PCDHA12: variants seen among roughly 807,000 people sequenced by gnomAD.
The protein encoded by PCDHA12 is protocadherin alpha-12.
Under a neutral mutation model 60.0 loss-of-function variants are expected in PCDHA12, and 44 were observed. The ratio of observed to expected loss-of-function variants is 0.73; its 90% CI spans 0.58 to 0.94. The LOEUF (loss-of-function observed/expected upper bound fraction) is 0.94, where lower values mean the gene tolerates loss of function less well. PCDHA12 is among the 40% of genes least tolerant of loss of function. PCDHA12 has a pLI of 0.00. For synonymous variants in PCDHA12, 569 were observed against 553.0 expected, an observed-to-expected ratio of 1.03 and a Z score of -0.40; for missense variants, 1,276 against 1,239.7, an observed-to-expected ratio of 1.03 and a Z score of -0.44.
In PCDHA12 at chr5:141,009,947, A is replaced by G; in HGVS notation, c.*10A>G. On this transcript the variant is annotated 3_prime_UTR_variant, in exon 4 of 4. Coordinates refer to ENST00000398631, the MANE Select transcript of PCDHA12 (RefSeq NM_018903.4). ...CAACAGTGACCAGTGAGGTCCTCAAATGGAAACAAGCCACTTAGCCAGTTT... is the reference window on the plus strand; with the variant it reads ...CAACAGTGACCAGTGAGGTCCTCAAGTGGAAACAAGCCACTTAGCCAGTTT... The G allele has an allele frequency of 1.9e-6, 3 of 1,596,272 alleles. No individual in the cohort carries two copies. The South Asian group carries it at 3.4e-5, about 18-fold the overall frequency.
At chr5:140,977,306 C>G (rs995052680) in intron 1 of PCDHA12, among the ~76,000 whole-genome samples, 22 of 152,268 alleles carry the variant, frequency 1.4e-4, no homozygotes, top group African/African-American at 4.8e-4. Context: ...GACAAGCTAA[C>G]GATAGTGCTC....
At chr5:140,888,426 C>G (rs1315110358) in intron 1 of PCDHA12, among the ~76,000 whole-genome samples, 1 of 152,168 alleles carries the variant, frequency 6.6e-6, no homozygotes, top group Non-Finnish European at 1.5e-5. Flanking sequence ...CTACCGTGCA[C>G]AGGACAGCCG....
At chr5:140,929,508 A>T in intron 1 of PCDHA12, 1 of 831,408 alleles carries the variant, frequency 1.2e-6, no homozygotes, top group Non-Finnish European at 1.7e-6. Context: ...CCTAGGCCTC[A>T]AGGGACTTAT....
At chr5:140,947,771 T>A (rs1167163964) in intron 1 of PCDHA12, among the ~76,000 whole-genome samples, 1 of 151,706 alleles carries the variant, frequency 6.6e-6, no homozygotes, top group Non-Finnish European at 1.5e-5. Flanking sequence ...AAAATTCTAT[T>A]GTAAATGGAT....
At chr5:140,979,129 A>T (rs1316213932) in intron 2 of PCDHA12, 122 bp downstream of exon 2, 1 of 1,477,514 alleles carries the variant, frequency 6.8e-7, no homozygotes, top group Non-Finnish European at 9.0e-7. Flanking sequence ...CTTTGCCAGG[A>T]AAATGCAATT....
chr5:140,923,456 G>T (rs1554201450), intron 1 of PCDHA12, among the ~76,000 whole-genome samples: 3 of 152,134 alleles, frequency 2.0e-5, no homozygotes, highest in African/African-American at 7.2e-5. Flanking sequence ...TGAGCCCAGA[G>T]AGGTAGGGGC....
chr5:140,898,118 A>T (rs2153459272), intron 1 of PCDHA12, among the ~76,000 whole-genome samples: 1 of 151,730 alleles, frequency 6.6e-6, no homozygotes, highest in Non-Finnish European at 1.5e-5. Context: ...GGTTGCGAAA[A>T]TTTTCTCCCA....
At chr5:140,883,133 G>C in intron 1 of PCDHA12, 1 of 1,614,112 alleles carries the variant, frequency 6.2e-7, no homozygotes, top group Non-Finnish European at 8.5e-7. Flanking sequence ...ATGGCCTGCA[G>C]TGGTATATGC....
chr5:140,950,919 T>TCCACA (rs1554219687), intron 1 of PCDHA12, among the ~76,000 whole-genome samples: 4 of 152,198 alleles, frequency 2.6e-5, no homozygotes, highest in African/African-American at 9.6e-5. Context: ...TTTATTTCAG[T>TCCACA]TCTTTTTCTT....
chr5:140,929,046 C>T, intron 1 of PCDHA12: 3 of 1,614,206 alleles, frequency 1.9e-6, no homozygotes, highest in Non-Finnish European at 2.5e-6. Context: ...CTCAGAGCTG[C>T]TGTCGCTCTA....
At chr5:141,007,426 G>A (rs1255100179) in intron 3 of PCDHA12, among the ~76,000 whole-genome samples, 4 of 151,118 alleles carry the variant, frequency 2.6e-5, no homozygotes, top group Non-Finnish European at 5.9e-5. Flanking sequence ...AAATTAGCCA[G>A]GCATGGTGGC....
rs1563650230 is a variant in PCDHA12, at chr5:141,000,393, C to CTA, written c.2516-9233_2516-9232insAT. Among the ~76,000 whole-genome samples, 150 of 52,842 alleles carry CTA rather than the reference C, an allele frequency of 2.8e-3. 1 individual carries two copies. The highest frequency in any genetic ancestry group is 4.0e-3 in the Non-Finnish European group (125 of 31,360). 34.7% of individuals were successfully genotyped at this position (52,842 alleles called of 152,430 possible). A position where few individuals can be genotyped will look rare whatever the true frequency, so the allele number is the denominator to read the frequency against. On this transcript the variant is annotated intron_variant, in intron 3 of 3. Coordinates refer to ENST00000398631, the MANE Select transcript of PCDHA12 (RefSeq NM_018903.4). ...TCTCTCTCTCTCTCTCTCTCTCTCT[C>CTA]TCTATATATATATATATATATATAT... is the stretch of plus-strand genomic sequence containing the variant.
intron 1 of PCDHA12, among the ~76,000 whole-genome samples, chr5:140,908,126 C>T (rs573751399): frequency 1.6e-4 from 24 of 152,360 alleles, no homozygotes; most frequent in South Asian, 1.0e-3. Context: ...TTTCCCTTCA[C>T]TGCTGTCCTT....
intron 3 of PCDHA12, among the ~76,000 whole-genome samples, chr5:141,008,506 T>G (rs1362141784): frequency 5.9e-5 from 9 of 152,202 alleles, no homozygotes; most frequent in African/African-American, 2.2e-4. Context: ...CTTTATGGTG[T>G]GTCTTCCAAT....
chr5:140,978,036 C>T (rs1460377915), intron 1 of PCDHA12, among the ~76,000 whole-genome samples: 22 of 152,268 alleles, frequency 1.4e-4, no homozygotes, highest in Admixed American at 1.4e-3. Context: ...TGATACAAGA[C>T]AGTGATGGTG....
intron 1 of PCDHA12, among the ~76,000 whole-genome samples, chr5:140,916,590 G>A (rs1022726274): frequency 2.0e-5 from 3 of 152,182 alleles, no homozygotes; most frequent in Non-Finnish European, 4.4e-5. Flanking sequence ...CCATGAGCTA[G>A]GGCCTGGAAT....
intron 1 of PCDHA12, among the ~76,000 whole-genome samples, chr5:140,952,230 A>C (rs1177331328): frequency 6.6e-6 from 1 of 151,960 alleles, no homozygotes; most frequent in African/African-American, 2.4e-5. Flanking sequence ...ACAGTGTGCA[A>C]GCTGCTTAGA....
At chr5:140,904,729 TA>T (rs1313627737) in intron 1 of PCDHA12, among the ~76,000 whole-genome samples, 4 of 152,162 alleles carry the variant, frequency 2.6e-5, no homozygotes, top group East Asian at 1.9e-4. Context: ...CAACATCTAT[TA>T]TTTTTTTATT....
In PCDHA12 at chr5:140,978,000, T is replaced by G. The variant is rs564788160; in HGVS notation, c.2368-949T>G. 2.0e-5 allele frequency among the ~76,000 whole-genome samples: 3 copies of G among 152,212 alleles called. No homozygotes were observed. In the South Asian group the frequency reaches 6.2e-4, roughly 32 times the overall value. On this transcript the variant is annotated intron_variant, in intron 1 of 3. Coordinates refer to ENST00000398631, the MANE Select transcript of PCDHA12 (RefSeq NM_018903.4). ...AACGCATCTAGAGGAGTGTCACAAG[T>G]TTTTCACAGTGACATTTTTGCTTAC...
Sources: gnomAD v4.1 joint callset for allele counts (sites outside exome capture counted in the v4.1 genomes callset) on GRCh38, gnomAD v4.1.1 for gene constraint, MANE v1.5 for transcripts, NCBI Gene and HGNC (gene_info 2026-07-23, HGNC 2026-07-21) for gene names.